Variants in SNTG2 observed in about 807,000 individuals in gnomAD.
SNTG2 encodes gamma-2-syntrophin.
SNTG2 carries 74 observed loss-of-function variants against 70.9 expected under a neutral mutation model. That is an observed-to-expected ratio of 1.04 (90% CI 0.86 to 1.27). The LOEUF is 1.27. SNTG2 is among the 50% of genes most tolerant of loss of function. SNTG2 has a pLI of 0.00. For synonymous variants in SNTG2, 278 were observed against 273.8 expected (o/e 1.02, Z -0.15); for missense variants, 717 against 690.7 (o/e 1.04, Z -0.43).
At chr2:1,125,354 T>TA (rs1667634051) in intron 4 of SNTG2, among the ~76,000 whole-genome samples, 1 of 152,186 alleles carries the variant, frequency 6.6e-6, no homozygotes, top group African/African-American at 2.4e-5. Flanking sequence ...CAAGAGTGTG[T>TA]AACAGGAAGC....
At chr2:1,109,901 G>A (rs996681015) in intron 4 of SNTG2, among the ~76,000 whole-genome samples, 7 of 152,240 alleles carry the variant, frequency 4.6e-5, no homozygotes, top group Non-Finnish European at 7.4e-5. Context: ...AAGGCAAGAC[G>A]AACGCGAACC....
chr2:1,323,730 C>T (rs1681638682), intron 16 of SNTG2, among the ~76,000 whole-genome samples: 1 of 148,494 alleles, frequency 6.7e-6, no homozygotes, highest in South Asian at 2.2e-4. Flanking sequence ...CTGAGACCTC[C>T]CCCCACCCAG....
intron 14 of SNTG2, among the ~76,000 whole-genome samples, chr2:1,302,974 G>A (rs946673030): frequency 6.6e-6 from 1 of 151,738 alleles, no homozygotes; most frequent in Admixed American, 6.6e-5. Flanking sequence ...AAAACAACGG[G>A]GCTGCAAAAT....
intron 14 of SNTG2, among the ~76,000 whole-genome samples, chr2:1,277,024 C>A (rs2148199289): frequency 6.6e-6 from 1 of 152,292 alleles, no homozygotes; most frequent in East Asian, 1.9e-4. Flanking sequence ...AAACTTAGAA[C>A]AGATGAGGAG....
intron 1 of SNTG2, among the ~76,000 whole-genome samples, chr2:953,845 T>G (rs546085399): frequency 6.6e-6 from 1 of 152,332 alleles, no homozygotes; most frequent in East Asian, 1.9e-4. Flanking sequence ...CAACAGCTTC[T>G]TGTCTCTGGA....
chr2:1,171,199 C>T (rs1251273610), intron 7 of SNTG2, among the ~76,000 whole-genome samples: 2 of 152,112 alleles, frequency 1.3e-5, no homozygotes, highest in East Asian at 1.9e-4. Flanking sequence ...TAACTATTCA[C>T]ATTTCTGTTC....
chr2:1,281,395 GTT>G (rs749518052), intron 14 of SNTG2, among the ~76,000 whole-genome samples: 531 of 6,708 alleles, frequency 0.079, no homozygotes, highest in Non-Finnish European at 0.095. Context: ...TGTGGTGTGT[GTT>G]TATGTGGTGT....
chr2:988,220 G>A (rs900653590), intron 1 of SNTG2, among the ~76,000 whole-genome samples: 1 of 152,346 alleles, frequency 6.6e-6, no homozygotes, highest in East Asian at 1.9e-4. Context: ...ACACTCAGGT[G>A]GGGAGAGCCT....
intron 1 of SNTG2, among the ~76,000 whole-genome samples, chr2:1,074,250 G>T (rs1256139302): frequency 6.6e-6 from 1 of 152,188 alleles, no homozygotes; most frequent in African/African-American, 2.4e-5. Flanking sequence ...CTGCTCAGGG[G>T]TAGGAACACT....
At chr2:1,187,982 A>G (rs2147931416) in intron 8 of SNTG2, among the ~76,000 whole-genome samples, 1 of 152,386 alleles carries the variant, frequency 6.6e-6, no homozygotes, top group East Asian at 1.9e-4. Context: ...CAGGAAGATA[A>G]ATAAACATGA....
chr2:1,283,906 G>A (rs1445539121), intron 14 of SNTG2, among the ~76,000 whole-genome samples: 1 of 152,206 alleles, frequency 6.6e-6, no homozygotes, highest in Admixed American at 6.5e-5. Flanking sequence ...GAGCTGCTGA[G>A]AGAAACAGGG....
chr2:1,281,204 G>GTGGTGTGTGTTTA (rs1679497642), intron 14 of SNTG2, among the ~76,000 whole-genome samples: 1 of 150,138 alleles, frequency 6.7e-6, no homozygotes, highest in Non-Finnish European at 1.5e-5. Flanking sequence ...TGTATGTGGT[G>GTGGTGTGTGTTTA]TGTGGTGTGT....
intron 1 of SNTG2, among the ~76,000 whole-genome samples, chr2:1,064,108 G>C (rs1386184011): frequency 6.6e-6 from 1 of 151,942 alleles, no homozygotes; most frequent in Non-Finnish European, 1.5e-5. Flanking sequence ...GAAACAACAG[G>C]GGCGAGAAGA....
At chr2:1,085,460 C>T (rs992534587) in intron 2 of SNTG2, among the ~76,000 whole-genome samples, 3 of 152,178 alleles carry the variant, frequency 2.0e-5, no homozygotes, top group Non-Finnish European at 4.4e-5. Context: ...TTATTGACTC[C>T]AAACCTCTAG....
At chr2:1,163,952 CT>C (rs1216269780) in intron 6 of SNTG2, among the ~76,000 whole-genome samples, 17 of 152,190 alleles carry the variant, frequency 1.1e-4, no homozygotes, top group Non-Finnish European at 1.9e-4. Context: ...TAAATCCAGT[CT>C]TCAAAACCCA....
At chr2:1,138,818 A>G (rs900166255) in intron 6 of SNTG2, among the ~76,000 whole-genome samples, 1 of 152,140 alleles carries the variant, frequency 6.6e-6, no homozygotes, top group Non-Finnish European at 1.5e-5. Flanking sequence ...CAATTAGCCA[A>G]CTCTTAGTTC....
intron 4 of SNTG2, among the ~76,000 whole-genome samples, chr2:1,105,492 A>G (rs1666058659): frequency 6.6e-6 from 1 of 152,178 alleles, no homozygotes; most frequent in African/African-American, 2.4e-5. Context: ...GGAACCACAC[A>G]CGTACGTGCT....
At chr2:1,280,460 G>C (rs901280357) in intron 14 of SNTG2, among the ~76,000 whole-genome samples, 1 of 152,004 alleles carries the variant, frequency 6.6e-6, no homozygotes, top group African/African-American at 2.4e-5. Context: ...TAAATGTTTC[G>C]TTTTCCTTAA....
intron 6 of SNTG2, among the ~76,000 whole-genome samples, chr2:1,162,758 A>G (rs1670409058): frequency 6.6e-6 from 1 of 151,392 alleles, no homozygotes; most frequent in Middle Eastern, 3.2e-3. Flanking sequence ...CAGCTTTGGT[A>G]GTTTTCTCCA....
Sources: gnomAD v4.1 joint callset for allele counts (sites outside exome capture counted in the v4.1 genomes callset) on GRCh38, gnomAD v4.1.1 for gene constraint, MANE v1.5 for transcripts, NCBI Gene and HGNC (gene_info 2026-07-23, HGNC 2026-07-21) for gene names.